ERCC6L2: variants seen among roughly 807,000 people sequenced by gnomAD.
The protein encoded by ERCC6L2 is DNA excision repair protein ERCC-6-like 2.
ERCC6L2 carries 77 observed loss-of-function variants against 132.0 expected under a neutral mutation model. That is an observed-to-expected ratio of 0.58 (90% CI 0.49 to 0.71). The LOEUF is 0.71. Among genes scored for constraint, ERCC6L2 ranks in the 30% least tolerant of loss-of-function variants. ERCC6L2 has a pLI of 0.00. For missense variants in ERCC6L2, 1,542 were observed against 1,837.6 expected, an observed-to-expected ratio of 0.84 and a Z score of 2.94; for synonymous variants, 583 against 632.4, an observed-to-expected ratio of 0.92 and a Z score of 1.17.
chr9:95,896,376 G>A (rs79314909), intron 2 of ERCC6L2, among the ~76,000 whole-genome samples: 1 of 145,478 alleles, frequency 6.9e-6, no homozygotes, highest in African/African-American at 2.6e-5. Context: ...TTGTCTATTT[G>A]TTTTTTTGTT....
intron 17 of ERCC6L2, among the ~76,000 whole-genome samples, chr9:95,993,046 A>G (rs1235183604): frequency 6.6e-6 from 1 of 152,192 alleles, no homozygotes; most frequent in Non-Finnish European, 1.5e-5. Context: ...GGACCTATCT[A>G]TTAGTACTTA....
intron 13 of ERCC6L2, among the ~76,000 whole-genome samples, chr9:95,956,665 T>C (rs1282461548): frequency 6.6e-6 from 1 of 151,996 alleles, no homozygotes; most frequent in African/African-American, 2.4e-5. Flanking sequence ...GAAGGAGAAG[T>C]GCTAAGCAAA....
At chr9:95,999,653 T>C (rs1833590989) in intron 17 of ERCC6L2, among the ~76,000 whole-genome samples, 1 of 152,158 alleles carries the variant, frequency 6.6e-6, no homozygotes, top group Non-Finnish European at 1.5e-5. Context: ...AGGATGGTAT[T>C]TTCTTTATTG....
At chr9:95,919,486 A>T (rs1337060967) in intron 6 of ERCC6L2, among the ~76,000 whole-genome samples, 1 of 152,166 alleles carries the variant, frequency 6.6e-6, no homozygotes, top group Non-Finnish European at 1.5e-5. Flanking sequence ...AAGGCGTCAA[A>T]GTGGTCCACT....
intron 12 of ERCC6L2, among the ~76,000 whole-genome samples, chr9:95,947,435 T>G (rs986884685): frequency 4.6e-5 from 7 of 152,128 alleles, no homozygotes; most frequent in African/African-American, 1.7e-4. Flanking sequence ...TCATGATGTT[T>G]AAGGAAAGCA....
rs757036279 is a variant in ERCC6L2 at position 95,916,392 on chromosome 9, C to T, written c.1116C>T (p.Thr372=). Residue 372 remains threonine, a synonymous_variant, in exon 6 of 19, where the codon ACC becomes ACT. Transcript: ENST00000653738. The part of the protein sequence containing the change: ...KKMSGWFLRR[T]KTLIKDQLPK... ...TGTCTGGCTGGTTTCTCAGGCGCAC[C>T]AAGACTCTTATCAAGGATCAGTTGC... 5.6e-6 allele frequency: 9 copies of T among 1,601,292 alleles called. No homozygotes were observed. In the South Asian group the frequency reaches 9.0e-5, roughly 16 times the overall value.
At chr9:95,946,440 A>G (rs1831068483) in intron 12 of ERCC6L2, among the ~76,000 whole-genome samples, 1 of 152,162 alleles carries the variant, frequency 6.6e-6, no homozygotes, top group South Asian at 2.1e-4. Flanking sequence ...AGGCAGGAGA[A>G]TGGCGTGAAC....
chr9:96,008,468 T>C (rs1246509033), intron 18 of ERCC6L2, among the ~76,000 whole-genome samples: 1 of 152,168 alleles, frequency 6.6e-6, no homozygotes, highest in Non-Finnish European at 1.5e-5. Context: ...TAGGGAACTT[T>C]GCAGGTGTTA....
intron 18 of ERCC6L2, among the ~76,000 whole-genome samples, chr9:96,006,569 G>A (rs945651709): frequency 1.3e-5 from 2 of 152,220 alleles, no homozygotes; most frequent in Non-Finnish European, 2.9e-5. Context: ...GGCATTGTGG[G>A]TCTTACAGTT....
At chr9:96,005,051 T>C (rs567374986) in intron 18 of ERCC6L2, among the ~76,000 whole-genome samples, 2 of 152,330 alleles carry the variant, frequency 1.3e-5, no homozygotes, top group Non-Finnish European at 2.9e-5. Context: ...CGGTGGCTCA[T>C]GCTTGTAATC....
downstream of ERCC6L2, among the ~76,000 whole-genome samples, chr9:96,019,137 C>A (rs1010538750): frequency 2.0e-5 from 3 of 152,116 alleles, no homozygotes; most frequent in African/African-American, 7.2e-5. Context: ...TTATTGGCCT[C>A]CCTACATTTT....
At chr9:95,995,459 T>A (rs185839933) in intron 17 of ERCC6L2, among the ~76,000 whole-genome samples, 1 of 152,234 alleles carries the variant, frequency 6.6e-6, no homozygotes, top group Admixed American at 6.5e-5. Flanking sequence ...AGTTAGTAGA[T>A]CTAGGGTGGA....
At chr9:95,994,567 G>A (rs1257415113) in intron 17 of ERCC6L2, among the ~76,000 whole-genome samples, 9 of 152,118 alleles carry the variant, frequency 5.9e-5, no homozygotes, top group African/African-American at 1.9e-4. Context: ...CTTCCTCGTG[G>A]CCTCCTGTGG....
At chr9:95,886,338 A>G (rs1288352344) in intron 2 of ERCC6L2, among the ~76,000 whole-genome samples, 1 of 151,936 alleles carries the variant, frequency 6.6e-6, no homozygotes, top group African/African-American at 2.4e-5. Flanking sequence ...ATGTATACAT[A>G]GGATGATGAT....
intron 17 of ERCC6L2, among the ~76,000 whole-genome samples, chr9:95,991,843 C>T (rs1833313072): frequency 6.6e-6 from 1 of 152,056 alleles, no homozygotes; most frequent in South Asian, 2.1e-4. Flanking sequence ...AAAAGATTTA[C>T]CCAAAGTTCA....
chr9:95,876,394 T>G (rs1827271282), intron 1 of ERCC6L2: 2 of 341,056 alleles, frequency 5.9e-6, no homozygotes, highest in Non-Finnish European at 5.3e-6. Flanking sequence ...ACGTGGGGAA[T>G]ACGCAAAGTA....
intron 3 of ERCC6L2, chr9:95,906,676 A>T (rs1166541857): frequency 2.2e-6 from 1 of 457,474 alleles, no homozygotes; most frequent in Non-Finnish European, 4.4e-6. Context: ...GAGCTCCAGG[A>T]GACCATATAT....
At chr9:95,976,517 G>T (rs17396240) in intron 16 of ERCC6L2, among the ~76,000 whole-genome samples, 3 of 152,136 alleles carry the variant, frequency 2.0e-5, no homozygotes, top group Admixed American at 1.3e-4. Flanking sequence ...GGGGTCTCCT[G>T]TTCTTAGGTC....
chr9:95,987,444 A>G (rs570234976), intron 17 of ERCC6L2, among the ~76,000 whole-genome samples: 4 of 152,346 alleles, frequency 2.6e-5, no homozygotes, highest in Admixed American at 2.6e-4. Context: ...GCCAAAATGA[A>G]GGTGCTAAAG....
Sources: gnomAD v4.1 joint callset for allele counts (sites outside exome capture counted in the v4.1 genomes callset) on GRCh38, gnomAD v4.1.1 for gene constraint, MANE v1.5 for transcripts, NCBI Gene and HGNC (gene_info 2026-07-23, HGNC 2026-07-21) for gene names.